CTNND2: variants seen among roughly 807,000 people sequenced by gnomAD.
The protein encoded by CTNND2 is catenin delta-2.
CTNND2 carries 22 observed loss-of-function variants against 144.4 expected under a neutral mutation model. The ratio of observed to expected loss-of-function variants is 0.15; its 90% CI spans 0.11 to 0.22. The LOEUF (loss-of-function observed/expected upper bound fraction) is 0.22, where lower values mean the gene tolerates loss of function less well. Ranked by LOEUF, CTNND2 falls within the 10% of genes least tolerant of loss-of-function variation. The probability of loss-of-function intolerance (pLI) is 1.00; values close to 1 mark genes in which losing one functional copy is unlikely to be tolerated. For synonymous variants in CTNND2, 751 were observed against 695.6 expected (o/e 1.08, Z -1.25); for missense variants, 1,353 against 1,618.8 (o/e 0.84, Z 2.82).
intron 1 of CTNND2, among the ~76,000 whole-genome samples, chr5:11,830,339 CA>C (rs1793829053): frequency 1.3e-5 from 2 of 152,142 alleles, no homozygotes; most frequent in South Asian, 4.1e-4. Context: ...TGTCACCACC[CA>C]ACAATCATCT....
intron 3 of CTNND2, among the ~76,000 whole-genome samples, chr5:11,563,695 C>A (rs17819393): frequency 6.6e-6 from 1 of 151,858 alleles, no homozygotes; most frequent in East Asian, 1.9e-4. Context: ...ATTCCATCCA[C>A]GTGGTTAACC....
intron 9 of CTNND2, among the ~76,000 whole-genome samples, chr5:11,309,299 G>A (rs1002694645): frequency 6.6e-6 from 1 of 152,178 alleles, no homozygotes; most frequent in Admixed American, 6.5e-5. Flanking sequence ...CAGCTGAGGG[G>A]GCTGTACCCT....
intron 5 of CTNND2, among the ~76,000 whole-genome samples, chr5:11,405,957 T>C (rs1191965833): frequency 6.6e-6 from 1 of 152,132 alleles, no homozygotes; most frequent in Non-Finnish European, 1.5e-5. Context: ...AACACCAGCC[T>C]GACCAACATG....
At chr5:11,284,803 C>T (rs755659014) in intron 9 of CTNND2, among the ~76,000 whole-genome samples, 2 of 152,084 alleles carry the variant, frequency 1.3e-5, no homozygotes, top group African/African-American at 2.4e-5. Context: ...AGGGTCAAAT[C>T]GATCTCACCA....
At chr5:11,320,909 C>T (rs188695585) in intron 9 of CTNND2, among the ~76,000 whole-genome samples, 86 of 152,192 alleles carry the variant, frequency 5.7e-4, no homozygotes, top group African/African-American at 1.9e-3. Context: ...CCAATTCCTA[C>T]GATTAAAGAA....
intron 16 of CTNND2, among the ~76,000 whole-genome samples, chr5:11,033,865 A>G (rs1215424585): frequency 6.6e-6 from 1 of 152,140 alleles, no homozygotes; most frequent in Non-Finnish European, 1.5e-5. Flanking sequence ...ATCTTTCACA[A>G]AAGCTTATTT....
chr5:11,827,172 C>T (rs1306799362), intron 1 of CTNND2, among the ~76,000 whole-genome samples: 1 of 152,110 alleles, frequency 6.6e-6, no homozygotes, highest in Non-Finnish European at 1.5e-5. Context: ...AACATGCGGA[C>T]ATCTGAAATA....
intron 1 of CTNND2, among the ~76,000 whole-genome samples, chr5:11,756,653 C>T (rs201123420): frequency 5.4e-4 from 2 of 3,724 alleles, no homozygotes; most frequent in South Asian, 0.011. Flanking sequence ...TACATACACA[C>T]ACACACACAC....
chr5:11,743,007 A>T (rs1788102545), intron 1 of CTNND2, among the ~76,000 whole-genome samples: 1 of 152,224 alleles, frequency 6.6e-6, no homozygotes, highest in South Asian at 2.1e-4. Flanking sequence ...CTGCACACAT[A>T]AACATATATT....
intron 21 of CTNND2, among the ~76,000 whole-genome samples, chr5:10,980,482 G>A (rs569704644): frequency 6.6e-6 from 1 of 152,348 alleles, no homozygotes; most frequent in South Asian, 2.1e-4. Flanking sequence ...GTGGAAGACA[G>A]TGTGGCGATT....
At chr5:11,408,859 G>GA (rs1191197859) in intron 5 of CTNND2, among the ~76,000 whole-genome samples, 1 of 151,878 alleles carries the variant, frequency 6.6e-6, no homozygotes, top group African/African-American at 2.4e-5. Context: ...TTGACTTACA[G>GA]AAAAAAATAT....
intron 1 of CTNND2, among the ~76,000 whole-genome samples, chr5:11,761,103 T>C (rs901919642): frequency 1.3e-5 from 2 of 152,164 alleles, no homozygotes; most frequent in Admixed American, 1.3e-4. Flanking sequence ...CCAAAGACGA[T>C]ACCGAGTGTT....
At chr5:11,680,492 A>T (rs1293572325) in intron 2 of CTNND2, among the ~76,000 whole-genome samples, 1 of 152,116 alleles carries the variant, frequency 6.6e-6, no homozygotes, top group Non-Finnish European at 1.5e-5. Flanking sequence ...CCCTACAACA[A>T]ATGGAATCAT....
chr5:11,763,846 T>A, intron 1 of CTNND2, among the ~76,000 whole-genome samples: 1 of 152,114 alleles, frequency 6.6e-6, no homozygotes, highest in Admixed American at 6.6e-5. Flanking sequence ...CTTGACAGAC[T>A]TACTCATCCT....
intron 2 of CTNND2, among the ~76,000 whole-genome samples, chr5:11,589,925 G>T (rs1338514268): frequency 6.6e-6 from 1 of 152,078 alleles, no homozygotes; most frequent in African/African-American, 2.4e-5. Flanking sequence ...AAATGTAAAT[G>T]GTTAGGATAA....
chr5:11,364,595 T>G (rs1008610095), intron 8 of CTNND2, 101 bp downstream of exon 8: 1 of 909,708 alleles, frequency 1.1e-6, no homozygotes, highest in Admixed American at 3.6e-5. Flanking sequence ...GTGGGGATAG[T>G]GGACACAGAC....
At chr5:11,857,987 G>A (rs1392276710) in intron 1 of CTNND2, among the ~76,000 whole-genome samples, 5 of 152,168 alleles carry the variant, frequency 3.3e-5, no homozygotes, top group Non-Finnish European at 1.5e-5. Flanking sequence ...GGGGCCTGTA[G>A]CTAATCTGGT....
intron 9 of CTNND2, among the ~76,000 whole-genome samples, chr5:11,285,656 G>A (rs760141001): frequency 1.4e-4 from 22 of 152,120 alleles, no homozygotes; most frequent in Non-Finnish European, 1.5e-4. Context: ...AGAATGAAAC[G>A]AAAGAATGGC....
At position 11,422,061 on chromosome 5, in the gene CTNND2, G is replaced by A. The variant is rs1184680228; in HGVS notation, c.288-9992C>T. ...AAAGTTAAGCTATCATTACCACATA[G>A]AGAAGAACAGAGGCCTGAGAGAGTG... On this transcript the variant is annotated intron_variant, in intron 3 of 21. Coordinates refer to ENST00000304623, the MANE Select transcript of CTNND2 (RefSeq NM_001332.4). Among the ~76,000 whole-genome samples, 5 of 152,258 alleles carry A rather than the reference G, an allele frequency of 3.3e-5. No individual in the cohort carries two copies. The East Asian group carries it at 7.7e-4, about 24-fold the overall frequency.
Sources: allele counts gnomAD v4.1 joint callset (sites outside exome capture counted in the v4.1 genomes callset), GRCh38; gene constraint gnomAD v4.1.1; transcripts MANE v1.5; gene names NCBI Gene and HGNC (gene_info 2026-07-23, HGNC 2026-07-21).